The following KANK1 variants were observed in gnomAD, a reference collection of about 807,000 sequenced individuals.
KANK1 encodes KN motif and ankyrin repeat domain-containing protein 1.
A neutral mutation model predicts 106.2 loss-of-function variants in KANK1; 109 were observed. The ratio of observed to expected loss-of-function variants is 1.03; its 90% CI spans 0.88 to 1.20. The LOEUF is 1.20. Among genes scored for constraint, KANK1 ranks in the 50% most tolerant of loss-of-function variants. The pLI is 0.00. For synonymous variants in KANK1, 873 were observed against 652.2 expected (o/e 1.34, Z -5.16); for missense variants, 2,399 against 1,710.7 (o/e 1.40, Z -7.10).
intron 2 of KANK1, among the ~76,000 whole-genome samples, chr9:709,608 G>A (rs78247738): frequency 7.7e-6 from 1 of 130,124 alleles, no homozygotes; most frequent in African/African-American, 3.2e-5. Flanking sequence ...ATGCTTTCAT[G>A]TCTTTTTTTT....
intron 7 of KANK1, chr9:735,796 C>A: frequency 2.6e-6 from 1 of 388,358 alleles, no homozygotes; most frequent in Non-Finnish European, 5.5e-6. Flanking sequence ...GAGTTCGAGA[C>A]GAGCTTAGCC....
At chr9:722,450 G>C (rs1485943874) in intron 3 of KANK1, among the ~76,000 whole-genome samples, 2 of 152,046 alleles carry the variant, frequency 1.3e-5, no homozygotes, top group Non-Finnish European at 2.9e-5. Context: ...AGGGTAGCTA[G>C]GGTTGAAACG....
chr9:542,167 A>AG (rs61045376), intron 1 of KANK1, among the ~76,000 whole-genome samples: 73,421 of 151,898 alleles, frequency 0.48, 20,673 homozygotes, highest in East Asian at 0.79. Flanking sequence ...ATACATGAAA[A>AG]GTGCTCAATA....
chr9:625,361 A>T (rs767821596), intron 1 of KANK1, among the ~76,000 whole-genome samples: 5 of 152,242 alleles, frequency 3.3e-5, no homozygotes, highest in Non-Finnish European at 7.3e-5. Context: ...CTTGAGTCCA[A>T]CAAAAATACT....
At chr9:492,667 A>G (rs903685552) in intron 3 of KANK1, among the ~76,000 whole-genome samples, 5 of 152,212 alleles carry the variant, frequency 3.3e-5, no homozygotes, top group African/African-American at 9.6e-5. Context: ...ATGCATTTAA[A>G]TGTATATTTG....
intron 1 of KANK1, among the ~76,000 whole-genome samples, chr9:605,198 G>C (rs1376890559): frequency 4.0e-5 from 6 of 149,620 alleles, no homozygotes; most frequent in Non-Finnish European, 7.4e-5. Context: ...CTACTTAGGA[G>C]ACTGAGGCAG....
chr9:482,479 ACCT>A (rs1424612118), intron 3 of KANK1, among the ~76,000 whole-genome samples: 1 of 152,018 alleles, frequency 6.6e-6, no homozygotes, highest in Non-Finnish European at 1.5e-5. Flanking sequence ...TGCCAACTCA[ACCT>A]CCAAAATGGG....
chr9:537,154 C>T (rs752050639), intron 1 of KANK1, among the ~76,000 whole-genome samples: 10 of 152,190 alleles, frequency 6.6e-5, no homozygotes, highest in Non-Finnish European at 1.5e-5. Flanking sequence ...TAAAATGAAA[C>T]CACCTCCTAA....
chr9:476,242 CG>C (rs2058100244), intron 3 of KANK1, among the ~76,000 whole-genome samples: 1 of 151,820 alleles, frequency 6.6e-6, no homozygotes, highest in Non-Finnish European at 1.5e-5. Context: ...GGTGTTAGGC[CG>C]GGCGTGGTGG....
At chr9:502,867 C>G (rs914612344), upstream of KANK1, among the ~76,000 whole-genome samples, 3 of 150,954 alleles carry the variant, frequency 2.0e-5, no homozygotes, top group African/African-American at 7.4e-5. Flanking sequence ...CAGGGTCACA[C>G]TCTGTAGCCT....
At chr9:645,951 A>G (rs1360617163) in intron 1 of KANK1, among the ~76,000 whole-genome samples, 1 of 151,118 alleles carries the variant, frequency 6.6e-6, no homozygotes, top group Non-Finnish European at 1.5e-5. Context: ...ATTTATTTCA[A>G]CAAACACTTA....
At chr9:736,018 C>A (rs945180749) in intron 7 of KANK1, among the ~76,000 whole-genome samples, 2 of 152,082 alleles carry the variant, frequency 1.3e-5, no homozygotes, top group Non-Finnish European at 2.9e-5. Flanking sequence ...AGTGCAGTGG[C>A]GTGATCTCGG....
chr9:660,588 A>C, intron 1 of KANK1, among the ~76,000 whole-genome samples: 1 of 152,150 alleles, frequency 6.6e-6, no homozygotes, highest in Non-Finnish European at 1.5e-5. Context: ...CAATACTGTC[A>C]TGTTTCAGCC....
intron 1 of KANK1, among the ~76,000 whole-genome samples, chr9:518,981 T>A (rs1213987502): frequency 6.6e-6 from 1 of 151,526 alleles, no homozygotes; most frequent in Non-Finnish European, 1.5e-5. Context: ...AACTCCCCCT[T>A]CCAGGTTCCA....
intron 3 of KANK1, among the ~76,000 whole-genome samples, chr9:722,923 T>C (rs1438450474): frequency 6.6e-6 from 1 of 152,196 alleles, no homozygotes; most frequent in African/African-American, 2.4e-5. Flanking sequence ...TATTTGAATC[T>C]GGACCGTAAG....
At chr9:565,824 C>T (rs149620537) in intron 1 of KANK1, among the ~76,000 whole-genome samples, 52 of 152,252 alleles carry the variant, frequency 3.4e-4, no homozygotes, top group African/African-American at 1.2e-3. Context: ...CTTGTGACTT[C>T]CAGAACAATG....
At chr9:721,620 C>T (rs920905939) in intron 3 of KANK1, among the ~76,000 whole-genome samples, 2 of 152,112 alleles carry the variant, frequency 1.3e-5, no homozygotes, top group African/African-American at 4.8e-5. Flanking sequence ...CAGCTTTGTC[C>T]ACTTTTTTGG....
intron 1 of KANK1, among the ~76,000 whole-genome samples, chr9:605,595 T>C (rs1330779106): frequency 6.6e-6 from 1 of 151,808 alleles, no homozygotes; most frequent in Non-Finnish European, 1.5e-5. Context: ...TGTAATATTG[T>C]TTCCTGTAAT....
chr9:545,718 C>T (rs1320668574), intron 1 of KANK1, among the ~76,000 whole-genome samples: 1 of 135,748 alleles, frequency 7.4e-6, no homozygotes, highest in Non-Finnish European at 1.5e-5. Flanking sequence ...TTGGCCTGTA[C>T]AGAGCCTTTT....
Sources: allele counts gnomAD v4.1 joint callset (sites outside exome capture counted in the v4.1 genomes callset), GRCh38; gene constraint gnomAD v4.1.1; transcripts MANE v1.5; gene names NCBI Gene and HGNC (gene_info 2026-07-23, HGNC 2026-07-21).